Variants in ZNF746 observed in about 807,000 individuals in gnomAD.
The protein encoded by ZNF746 is zinc finger protein 746.
In ZNF746, 13 loss-of-function variants were observed where a neutral mutation model predicts 41.0. The observed-to-expected ratio is 0.32, with a 90% CI of 0.21 to 0.50. The LOEUF is 0.50. ZNF746 is among the 20% of genes least tolerant of loss of function. ZNF746 has a pLI of 0.98. For missense variants in ZNF746, 811 were observed against 922.9 expected, an observed-to-expected ratio of 0.88 and a Z score of 1.57; for synonymous variants, 424 against 396.2, an observed-to-expected ratio of 1.07 and a Z score of -0.83.
chr7:149,480,495 C>T (rs145970836), intron 4 of ZNF746, among the ~76,000 whole-genome samples: 2,407 of 152,032 alleles, frequency 0.016, 65 homozygotes, highest in African/African-American at 0.056. Flanking sequence ...TGCAGTGGCG[C>T]GATCTTGGCT....
At chr7:149,477,494 C>T in intron 5 of ZNF746, 70 bp downstream of exon 5, 2 of 1,506,220 alleles carry the variant, frequency 1.3e-6, no homozygotes, top group South Asian at 1.3e-5. Context: ...CCCATGCTGC[C>T]ACGAGCCCTC....
rs778877751 is a variant in ZNF746 at position 149,474,361 on chromosome 7, A to G, written c.*23T>C. The G allele has an allele frequency of 1.3e-6, 2 of 1,590,018 alleles. No individual in the cohort carries two copies. On this transcript the variant is annotated 3_prime_UTR_variant, in exon 7 of 7. Transcript: ENST00000458143. The surrounding 1 kb of genome is among the most constrained non-coding windows in gnomAD (Gnocchi z 6.3). ...GGGGCTTTTTACACGTGCGGCCGGC[A>G]GGGGCTATGGGGCTGGAGGCGCTCA...
At chr7:149,481,272 C>T (rs1272347321) in intron 4 of ZNF746, among the ~76,000 whole-genome samples, 2 of 152,160 alleles carry the variant, frequency 1.3e-5, no homozygotes, top group Non-Finnish European at 2.9e-5. Context: ...TCTAGGGCAC[C>T]CCATGGATAC....
chr7:149,491,489 G>A (rs185578308), intron 4 of ZNF746: 33 of 194,838 alleles, frequency 1.7e-4, no homozygotes, highest in African/African-American at 7.6e-4. Context: ...AATAGTATCT[G>A]TTCTCAGCCA....
At chr7:149,477,417 A>C (rs1800342166) in intron 5 of ZNF746, 147 bp downstream of exon 5, 1 of 922,024 alleles carries the variant, frequency 1.1e-6, no homozygotes, top group South Asian at 1.7e-5. Context: ...CCTTTAGTAC[A>C]GTCCTACCTC....
At chr7:149,496,626 C>G (rs1801005408) in intron 1 of ZNF746, among the ~76,000 whole-genome samples, 1 of 152,160 alleles carries the variant, frequency 6.6e-6, no homozygotes, top group Non-Finnish European at 1.5e-5. Flanking sequence ...GCACTCCTCC[C>G]TCCCTGAAAG....
chr7:149,495,655 G>T (rs565205602), intron 1 of ZNF746, among the ~76,000 whole-genome samples: 1 of 152,318 alleles, frequency 6.6e-6, no homozygotes, highest in East Asian at 1.9e-4. Context: ...CCAAAATGAA[G>T]AAGTAGCTAC....
At chr7:149,488,882 G>C (rs1800706043) in intron 4 of ZNF746, 1 of 152,238 alleles carries the variant, frequency 6.6e-6, no homozygotes, top group African/African-American at 2.4e-5. Context: ...GCTCACTACA[G>C]TATTGCTTGT....
intron 5 of ZNF746, 71 bp downstream of exon 5, chr7:149,477,493 C>A (rs1405803780): frequency 1.3e-6 from 2 of 1,504,632 alleles, no homozygotes; most frequent in Non-Finnish European, 1.8e-6. Flanking sequence ...CCCCATGCTG[C>A]CACGAGCCCT....
At chr7:149,493,147 C>T (rs1430420076) in intron 3 of ZNF746, among the ~76,000 whole-genome samples, 175 bp from the exon 4 acceptor site, 1 of 152,182 alleles carries the variant, frequency 6.6e-6, no homozygotes, top group East Asian at 1.9e-4. Flanking sequence ...GGAGACAATT[C>T]TGGTTGTCAT....
rs896322921 is a variant in ZNF746 at position 149,494,683 on chromosome 7, A to G, written c.25-180T>C. On this transcript the variant is annotated intron_variant, in intron 1 of 6. Coordinates refer to ENST00000458143, the MANE Select transcript of ZNF746 (RefSeq NM_001394198.1). The surrounding 1 kb of genome is among the most constrained non-coding windows in gnomAD (Gnocchi z 5.6). Reference sequence around the variant, plus strand: ...TCACCTGCTTGGGTATGTTAGGTCTATGTCTGGGTGGGTGCCTTTACTCCA... The same window carrying G: ...TCACCTGCTTGGGTATGTTAGGTCTGTGTCTGGGTGGGTGCCTTTACTCCA... Among the ~76,000 whole-genome samples the G allele has an allele frequency of 6.6e-6, 1 of 150,610 alleles. No homozygotes were observed.
intron 4 of ZNF746, chr7:149,488,278 A>C (rs1444900087): frequency 6.6e-6 from 1 of 152,084 alleles, no homozygotes; most frequent in African/African-American, 2.4e-5. Flanking sequence ...GAAAAGCAAA[A>C]CTTTTAAAAA....
At position 149,492,782 on chromosome 7, in the gene ZNF746, T is replaced by C. The variant is rs183645967; in HGVS notation, c.565+77A>G. On this transcript the variant is annotated intron_variant, in intron 4 of 6. Coordinates refer to ENST00000458143, the MANE Select transcript of ZNF746 (RefSeq NM_001394198.1). ...TTCTCCTCGACTCTCTCTGGAAAGA[T>C]CACACCCTTTCTGGCCTTTCCGTCT... The C allele has an allele frequency of 3.5e-4, 353 of 1,008,030 alleles. No homozygotes were observed. The East Asian group carries it at 5.1e-3, about 14-fold the overall frequency. The allele number at this position is 1,008,030 out of a possible 1,614,324, so 62.4% of individuals were successfully genotyped here.
chr7:149,497,598 C>T lies in ZNF746; in HGVS notation c.-62G>A. On this transcript the variant is annotated 5_prime_UTR_variant, in exon 1 of 7. Transcript: ENST00000458143. This position sits in a 1 kb window ranked among gnomAD's most constrained non-coding sequence, Gnocchi z 4.2. ...TCGTCGCCGCCGCCGCGCGCGGCACCACGCAGGCCCGGCCGCCCGGTGCTC... is the reference window on the plus strand; with the variant it reads ...TCGTCGCCGCCGCCGCGCGCGGCACTACGCAGGCCCGGCCGCCCGGTGCTC... 1 of 1,028,418 alleles carries T rather than the reference C, an allele frequency of 9.7e-7. No individual in the cohort carries two copies. Among genetic ancestry groups the T allele is most frequent in the Non-Finnish European group, 1.2e-6 (1 of 860,246 alleles). 63.7% of individuals were successfully genotyped at this position (1,028,418 alleles called of 1,614,324 possible). A position where few individuals can be genotyped will look rare whatever the true frequency, so the allele number is the denominator to read the frequency against.
Position 149,492,863 on chromosome 7 carries a change from A to G in ZNF746, c.561T>C (p.Ser187=). The change falls in exon 4 of 7, where the codon AGT becomes AGC. Residue 187 remains serine (S), a synonymous_variant. Transcript: ENST00000458143. The stretch of plus-strand genomic sequence containing the variant: ...TGGCCTTCTCCCAGCCCTTACCTGG[A>G]CTGGGGTCCACAGGAACATCTGGAA... ...PKIPDVPVDP[S]PGSGPPVPAP... The G allele has an allele frequency of 6.2e-7, 1 of 1,611,590 alleles. No homozygotes were observed. The highest frequency in any genetic ancestry group is 8.5e-7 in the Non-Finnish European group (1 of 1,177,934).
chr7:149,479,543 A>G (rs1800423400), intron 4 of ZNF746, among the ~76,000 whole-genome samples: 1 of 152,256 alleles, frequency 6.6e-6, no homozygotes, highest in South Asian at 2.1e-4. Context: ...AGAAAAAGAC[A>G]TATTATGAAC....
At chr7:149,483,612 T>TA (rs996022195) in intron 4 of ZNF746, among the ~76,000 whole-genome samples, 218 of 129,352 alleles carry the variant, frequency 1.7e-3, no homozygotes, top group Middle Eastern at 4.0e-3. Flanking sequence ...TGTAAAAAAA[T>TA]AAAAAAAAAA....
chr7:149,474,183 T>C lies in ZNF746; in HGVS notation c.*201A>G, dbSNP rs950183471. ...TACTTAAAATTCTACGGCGCTCCCA[T>C]TTCACAGAGAATTCTACTTGGTTTA... On this transcript the variant is annotated 3_prime_UTR_variant, in exon 7 of 7. Transcript: ENST00000458143. The surrounding 1 kb of genome is among the most constrained non-coding windows in gnomAD (Gnocchi z 6.3). 2 of 578,494 alleles carry C rather than the reference T, an allele frequency of 3.5e-6. No individual in the cohort carries two copies. The highest frequency in any genetic ancestry group is 5.9e-6 in the Non-Finnish European group (2 of 338,210). 35.8% of individuals were successfully genotyped at this position (578,494 alleles called of 1,614,324 possible). A position where few individuals can be genotyped will look rare whatever the true frequency, so the allele number is the denominator to read the frequency against.
intron 4 of ZNF746, chr7:149,491,919 C>A: frequency 1.4e-6 from 1 of 702,068 alleles, no homozygotes; most frequent in African/African-American, 1.7e-5. Context: ...TTCAAAGGTG[C>A]TGACTGGCTC....
Sources: allele counts gnomAD v4.1 joint callset (sites outside exome capture counted in the v4.1 genomes callset), GRCh38; gene constraint gnomAD v4.1.1; non-coding constraint Gnocchi (gnomAD v3.1); transcripts MANE v1.5; gene names NCBI Gene and HGNC (gene_info 2026-07-23, HGNC 2026-07-21).